STK3: variants seen among roughly 807,000 people sequenced by gnomAD.
The protein encoded by STK3 is serine/threonine-protein kinase 3.
STK3 carries 41 observed loss-of-function variants against 58.0 expected under a neutral mutation model. That is an observed-to-expected ratio of 0.71 (90% CI 0.55 to 0.92). The LOEUF (loss-of-function observed/expected upper bound fraction) is 0.92, where lower values mean the gene tolerates loss of function less well. Ranked by LOEUF, STK3 falls within the 40% of genes least tolerant of loss-of-function variation. STK3 has a pLI of 0.00. For synonymous variants in STK3, 170 were observed against 191.0 expected (o/e 0.89, Z 0.91); for missense variants, 479 against 602.7 (o/e 0.79, Z 2.15).
chr8:98,626,068 G>A (rs1376716951), intron 6 of STK3, among the ~76,000 whole-genome samples: 1 of 152,166 alleles, frequency 6.6e-6, no homozygotes. Flanking sequence ...CTGATAAAAG[G>A]AGGTGGGGAA....
At chr8:98,516,204 T>C (rs1319245096) in intron 10 of STK3, among the ~76,000 whole-genome samples, 1 of 151,960 alleles carries the variant, frequency 6.6e-6, no homozygotes, top group Non-Finnish European at 1.5e-5. Context: ...AGAAGCCTAA[T>C]AGTTTAAATA....
intron 1 of STK3, among the ~76,000 whole-genome samples, chr8:98,446,364 C>A (rs10098835): frequency 6.6e-6 from 1 of 152,180 alleles, no homozygotes; most frequent in Admixed American, 6.5e-5. Flanking sequence ...CACTGGCACA[C>A]AGTTGGTGCT....
At chr8:98,755,557 G>A (rs1830236861) in intron 3 of STK3, among the ~76,000 whole-genome samples, 2 of 152,184 alleles carry the variant, frequency 1.3e-5, no homozygotes, top group Non-Finnish European at 1.5e-5. Context: ...AGATAAGTGA[G>A]CTTTAACAAT....
intron 1 of STK3, chr8:98,905,208 G>T: frequency 1.1e-6 from 1 of 950,666 alleles, no homozygotes; most frequent in Non-Finnish European, 1.7e-6. Context: ...TCCAGGGGCA[G>T]TCCGAAGTCG....
chr8:98,658,270 AT>A (rs1334353057), intron 6 of STK3, among the ~76,000 whole-genome samples: 1 of 152,016 alleles, frequency 6.6e-6, no homozygotes, highest in African/African-American at 2.4e-5. Flanking sequence ...GAGAAAAAAA[AT>A]GAGCTTTGGA....
At chr8:98,404,712 A>G (rs998183278) in intron 3 of STK3, among the ~76,000 whole-genome samples, 4 of 143,986 alleles carry the variant, frequency 2.8e-5, no homozygotes, top group Admixed American at 6.9e-5. Context: ...TTAGCTGGGT[A>G]TGGTGGTGCA....
chr8:98,423,143 C>T (rs907541287), intron 3 of STK3, among the ~76,000 whole-genome samples: 1 of 152,226 alleles, frequency 6.6e-6, no homozygotes, highest in African/African-American at 2.4e-5. Flanking sequence ...CTCTGGCAGG[C>T]ACAGAATAAC....
At chr8:98,364,677 C>T in the STK3 span, among the ~76,000 whole-genome samples, 3 of 152,308 alleles carry the variant, frequency 2.0e-5, no homozygotes, top group East Asian at 5.8e-4. Flanking sequence ...ACCCCTATGC[C>T]AGATTCGTTC....
At chr8:98,662,137 C>T (rs558899595) in intron 6 of STK3, among the ~76,000 whole-genome samples, 15 of 152,198 alleles carry the variant, frequency 9.9e-5, no homozygotes, top group Admixed American at 7.9e-4. Flanking sequence ...GCAGGTTGTA[C>T]ATTGAGAGAC....
At chr8:98,545,509 C>T (rs995516808) in intron 9 of STK3, among the ~76,000 whole-genome samples, 1 of 152,150 alleles carries the variant, frequency 6.6e-6, no homozygotes, top group African/African-American at 2.4e-5. Flanking sequence ...TGTCATTTTT[C>T]TCCACTTCCC....
chr8:98,358,795 G>C, the STK3 span, among the ~76,000 whole-genome samples: 5 of 152,270 alleles, frequency 3.3e-5, no homozygotes, highest in Admixed American at 3.3e-4. Context: ...ACCAAAAATG[G>C]TGCTGTTAGA....
At position 98,596,224 on chromosome 8, in the gene STK3, TAAAC is replaced by T. The variant is rs2129980558; in HGVS notation, c.685-59_685-56del. On this transcript the variant is annotated intron_variant, in intron 6 of 10. Coordinates refer to ENST00000419617, the MANE Select transcript of STK3 (RefSeq NM_006281.4). The stretch of plus-strand genomic sequence containing the variant: ...TAAGAATCACACTAGCACAATCAAA[TAAAC>T]AAATCTCTTTATCTGTCTTTTTATC... 3 of 1,524,022 alleles carry T rather than the reference TAAAC, an allele frequency of 2.0e-6. No individual in the cohort carries two copies. The East Asian group carries it at 6.9e-5, about 35-fold the overall frequency. The allele number at this position is 1,524,022 out of a possible 1,614,324, so 94.4% of individuals were successfully genotyped here.
the STK3 span, among the ~76,000 whole-genome samples, chr8:98,352,399 C>G: frequency 1.3e-5 from 2 of 152,162 alleles, no homozygotes; most frequent in African/African-American, 4.8e-5. Flanking sequence ...AGCACACATA[C>G]AGGTTGAGCA....
intron 6 of STK3, among the ~76,000 whole-genome samples, chr8:98,685,316 A>G: frequency 6.6e-6 from 1 of 152,192 alleles, no homozygotes; most frequent in East Asian, 1.9e-4. Context: ...TACCAAACTA[A>G]TCATGTGTAC....
chr8:98,376,626 T>A (rs1187202452), intron 2 of STK3, among the ~76,000 whole-genome samples: 1 of 152,242 alleles, frequency 6.6e-6, no homozygotes, highest in African/African-American at 2.4e-5. Flanking sequence ...AGCTTTTGCA[T>A]ATAGATATCC....
chr8:98,706,471 A>G lies in STK3; in HGVS notation c.680T>C (p.Met227Thr). The G allele has an allele frequency of 6.2e-7, 1 of 1,608,868 alleles. No homozygotes were observed. Among genetic ancestry groups the G allele is most frequent in the Non-Finnish European group, 8.5e-7 (1 of 1,178,322 alleles). ...GKPPYADIHPMRAIFMIPTNP... is the reference protein window; with the variant it reads ...GKPPYADIHPTRAIFMIPTNP... ...AGCAAACCATAATTTTCTTACCCTC[A>G]TTGGATGTATATCAGCATAAGGAGG... Residue 227 changes from methionine (M) to threonine (T), a missense_variant, in exon 6 of 11, where the codon ATG becomes ACG. Physicochemically the swap from Met to Thr is moderately conservative, Grantham distance 81. This residue lies in a region of STK3 where 309 missense variants were observed against 355.7 expected (regional missense o/e 0.87). Transcript: ENST00000419617.
At chr8:98,532,739 T>G (rs1826260242) in intron 9 of STK3, among the ~76,000 whole-genome samples, 1 of 152,144 alleles carries the variant, frequency 6.6e-6, no homozygotes, top group Admixed American at 6.5e-5. Flanking sequence ...AAAAAAAATT[T>G]TTTTAATTAC....
chr8:98,361,025 T>C, the STK3 span, among the ~76,000 whole-genome samples: 3 of 152,236 alleles, frequency 2.0e-5, no homozygotes, highest in Non-Finnish European at 4.4e-5. Context: ...AAGGTCAAAA[T>C]TGGATTTTGT....
intron 10 of STK3, among the ~76,000 whole-genome samples, chr8:98,473,578 A>T (rs1016622805): frequency 2.6e-5 from 4 of 152,178 alleles, no homozygotes; most frequent in African/African-American, 9.7e-5. Context: ...AACTTGCTCC[A>T]TACTGGCTTC....
Sources: allele counts gnomAD v4.1 joint callset (sites outside exome capture counted in the v4.1 genomes callset), GRCh38; gene constraint gnomAD v4.1.1; regional missense constraint gnomAD v4.1.1; transcripts MANE v1.5; gene names NCBI Gene and HGNC (gene_info 2026-07-23, HGNC 2026-07-21).